The following SLC6A19 variants were observed in gnomAD, a reference collection of about 807,000 sequenced individuals.
SLC6A19 encodes the protein sodium-dependent neutral amino acid transporter B(0)AT1.
Under a neutral mutation model 68.3 loss-of-function variants are expected in SLC6A19, and 67 were observed. The observed-to-expected ratio is 0.98, with a 90% CI of 0.81 to 1.20. SLC6A19 has a LOEUF of 1.20. SLC6A19 is among the 50% of genes most tolerant of loss of function. SLC6A19 has a pLI of 0.00. For missense variants in SLC6A19, 813 were observed against 851.6 expected (o/e 0.95, Z 0.56); for synonymous variants, 392 against 374.9 (o/e 1.05, Z -0.53).
intron 1 of SLC6A19, 55 bp from the exon 2 acceptor site, chr5:1,208,691 C>A (rs1206016910): frequency 1.2e-6 from 2 of 1,611,144 alleles, no homozygotes; most frequent in Admixed American, 1.7e-5. Flanking sequence ...CCGAGGGAGG[C>A]CTTCCTGCTC....
Position 1,212,272 on chromosome 5 carries a change from C to T in SLC6A19, c.482-31C>T, listed in dbSNP as rs753900758. 11 of 1,611,818 alleles carry T rather than the reference C, an allele frequency of 6.8e-6. No homozygotes were observed. In the East Asian group the frequency reaches 2.0e-4, roughly 29 times the overall value. On this transcript the variant is annotated intron_variant, in intron 3 of 11. Coordinates refer to ENST00000304460, the MANE Select transcript of SLC6A19 (RefSeq NM_001003841.3). The surrounding 1 kb of genome is among the most constrained non-coding windows in gnomAD (Gnocchi z 5.1). ...ATTCTCCTCCCTTGGGGGACCCGTACCCTGAGGTGTGTGAATGGCCCTCTC... is the reference window on the plus strand; with the variant it reads ...ATTCTCCTCCCTTGGGGGACCCGTATCCTGAGGTGTGTGAATGGCCCTCTC...
At position 1,219,505 on chromosome 5, in the gene SLC6A19, G is replaced by A. The variant is rs1169803669; in HGVS notation, c.1379G>A (p.Gly460Asp). 1.2e-6 allele frequency: 2 copies of A among 1,611,078 alleles called. No individual in the cohort carries two copies. Among genetic ancestry groups the A allele is most frequent in the Admixed American group, 1.7e-5 (1 of 60,024 alleles). The stretch of plus-strand genomic sequence containing the variant: ...AGCAGCTCTGTCCCCCGGCCTGCAG[G>A]CCTCATCTGCCTGGGGACATTCCTC... The part of the protein sequence containing the change: ...PPKWPKEVLT[G>D]LICLGTFLIG... Residue 460 changes from glycine to aspartate, a missense_variant and splice_region_variant, in exon 10 of 12, where the codon GGC becomes GAC. Coordinates refer to ENST00000304460, the MANE Select transcript of SLC6A19 (RefSeq NM_001003841.3).
rs28446284 is a variant in SLC6A19, at chr5:1,202,954, C to T, written c.202+1102C>T. 2.2e-3 allele frequency among the ~76,000 whole-genome samples: 341 copies of T among 152,252 alleles called. 3 individuals carry two copies. The highest frequency in any genetic ancestry group is 7.8e-3 in the African/African-American group (324 of 41,548). On this transcript the variant is annotated intron_variant, in intron 1 of 11. Transcript: ENST00000304460. ...TGGAGGCAGGTCGGGGGACCTTGGCCACTCCGATACTATAGTCCCTGACAG... is the reference window on the plus strand; with the variant it reads ...TGGAGGCAGGTCGGGGGACCTTGGCTACTCCGATACTATAGTCCCTGACAG...
chr5:1,210,480 T>C lies in SLC6A19; in HGVS notation c.380T>C (p.Leu127Pro), dbSNP rs1745993750. Residue 127 changes from leucine to proline, a missense_variant, in exon 3 of 12, where the codon CTG (leucine) becomes CCG (proline). Leu to Pro is a moderately conservative substitution (Grantham distance 98, BLOSUM62 -3). Coordinates refer to ENST00000304460, the MANE Select transcript of SLC6A19 (RefSeq NM_001003841.3). ...ASMLTSFMVG[L>P]YYNTIISWIM... ...ATGCTCACGTCCTTCATGGTGGGAC[T>C]GTATTACAACACCATCATCTCCTGG... 1.2e-6 allele frequency: 2 copies of C among 1,613,458 alleles called. No individual in the cohort carries two copies. The highest frequency in any genetic ancestry group is 4.5e-5 in the East Asian group (2 of 44,880).
At chr5:1,202,256 G>A (rs1314570831) in intron 1 of SLC6A19, among the ~76,000 whole-genome samples, 2 of 152,218 alleles carry the variant, frequency 1.3e-5, no homozygotes, top group Non-Finnish European at 2.9e-5. Context: ...ACCTGCCAGT[G>A]CAGGGAGCAG....
In SLC6A19 at chr5:1,208,712, G is replaced by A. The variant is rs368338206; in HGVS notation, c.203-34G>A. 2.4e-5 allele frequency: 39 copies of A among 1,613,038 alleles called. 1 individual carries two copies. The highest frequency in any genetic ancestry group is 4.4e-5 in the South Asian group (4 of 91,088). ...GAGGCCTTCCTGCTCCCCCGGGAAC[G>A]GCTCTCAGGCATGGTGGACTCCTCC... is the stretch of plus-strand genomic sequence containing the variant. On this transcript the variant is annotated intron_variant, in intron 1 of 11. Transcript: ENST00000304460.
chr5:1,212,539 C>T lies in SLC6A19; in HGVS notation c.663+55C>T. ...TGCTCCAGAGGGCGGGTGCGGGCAG[C>T]CCTGCCTCCGGCCGGCTGCACTCTA... is the stretch of plus-strand genomic sequence containing the variant. On this transcript the variant is annotated intron_variant, in intron 4 of 11. Coordinates refer to ENST00000304460, the MANE Select transcript of SLC6A19 (RefSeq NM_001003841.3). This position sits in a 1 kb window ranked among gnomAD's most constrained non-coding sequence, Gnocchi z 5.1. 1.3e-6 allele frequency: 2 copies of T among 1,593,906 alleles called. No homozygotes were observed. Among genetic ancestry groups the T allele is most frequent in the Non-Finnish European group, 8.5e-7 (1 of 1,175,668 alleles).
At chr5:1,203,353 C>T (rs1745767370) in intron 1 of SLC6A19, among the ~76,000 whole-genome samples, 1 of 152,204 alleles carries the variant, frequency 6.6e-6, no homozygotes, top group South Asian at 2.1e-4. Context: ...GAGCGAGCAG[C>T]TTTCAAGCAG....
rs773058345 is a variant in SLC6A19, at chr5:1,209,797, T to C, written c.344-647T>C. ...TCCCCTATCTCCGTCTCTCCCCCTG[T>C]CTCTCTTCCCCATCTCACACTCACA... On this transcript the variant is annotated intron_variant, in intron 2 of 11. Transcript: ENST00000304460. The surrounding 1 kb of genome is among the most constrained non-coding windows in gnomAD (Gnocchi z 5.5). Among the ~76,000 whole-genome samples the C allele has an allele frequency of 6.6e-6, 1 of 152,042 alleles. No individual in the cohort carries two copies. The highest frequency in any genetic ancestry group is 1.5e-5 in the Non-Finnish European group (1 of 68,014).
In SLC6A19 at chr5:1,214,747, G is replaced by C. The variant is rs759283891; in HGVS notation, c.887+682G>C. 1.1e-4 allele frequency among the ~76,000 whole-genome samples: 16 copies of C among 151,868 alleles called. No homozygotes were observed. Among genetic ancestry groups the C allele is most frequent in the Non-Finnish European group, 1.9e-4 (13 of 67,912 alleles). The stretch of plus-strand genomic sequence containing the variant: ...GGTGAGGGAGGACTCCTAGGGGTCA[G>C]GGTGGCCCTCCAGGCTGTGAAGGTG... On this transcript the variant is annotated intron_variant, in intron 6 of 11. Transcript: ENST00000304460. This position sits in a 1 kb window ranked among gnomAD's most constrained non-coding sequence, Gnocchi z 7.4.
chr5:1,203,469 C>T (rs1433896381), intron 1 of SLC6A19, among the ~76,000 whole-genome samples: 1 of 152,178 alleles, frequency 6.6e-6, no homozygotes, highest in East Asian at 1.9e-4. Context: ...GAGGGCCGAG[C>T]AGGGCTCTGG....
At position 1,213,953 on chromosome 5, in the gene SLC6A19, G is replaced by T. The variant is rs564017784; in HGVS notation, c.775G>T (p.Val259Phe). 1 of 1,613,036 alleles carries T rather than the reference G, an allele frequency of 6.2e-7. No homozygotes were observed. Among genetic ancestry groups the T allele is most frequent in the Admixed American group, 1.7e-5 (1 of 60,036 alleles). ...NGIVFLFTPN[V>F]TELAQPDTWL... is the part of the protein sequence containing the mutation. ...GGCTGAGGGTCTCCATGTGGCGCAG[G>T]TCACGGAGCTGGCCCAGCCGGACAC... Residue 259 changes from valine (V) to phenylalanine (F), a missense_variant and splice_region_variant, in exon 6 of 12, where the codon GTC (valine) becomes TTC (phenylalanine). Val to Phe is a conservative substitution (Grantham distance 50, BLOSUM62 -1). Coordinates refer to ENST00000304460, the MANE Select transcript of SLC6A19 (RefSeq NM_001003841.3).
chr5:1,219,527 C>G lies in SLC6A19; in HGVS notation c.1401C>G (p.Phe467Leu), dbSNP rs1205680869. The G allele has an allele frequency of 6.2e-7, 1 of 1,612,256 alleles. No individual in the cohort carries two copies. The highest frequency in any genetic ancestry group is 2.2e-5 in the East Asian group (1 of 44,880). The change falls in exon 10 of 12, where the codon TTC (phenylalanine) becomes TTG (leucine). Residue 467 changes from phenylalanine to leucine, a missense_variant. Transcript: ENST00000304460. Reference protein sequence around the residue: ...VLTGLICLGTFLIGFIFTLNS... With the variant: ...VLTGLICLGTLLIGFIFTLNS... ...CAGGCCTCATCTGCCTGGGGACATT[C>G]CTCATTGGCTTCATCTTCACGCTGA...
At chr5:1,201,987 T>C in intron 1 of SLC6A19, 135 bp downstream of exon 1, 1 of 1,217,002 alleles carries the variant, frequency 8.2e-7, no homozygotes, top group Non-Finnish European at 1.1e-6. Flanking sequence ...CCGCAGGGTG[T>C]GGGGGGAGCT....
rs1176354248 is a variant in SLC6A19, at chr5:1,212,562, CTA to C, written c.663+79_663+80del. ...AGCCCTGCCTCCGGCCGGCTGCACT[CTA>C]AAACCCAGGTCTGGGGGTCCCGGGC... On this transcript the variant is annotated intron_variant, in intron 4 of 11. Coordinates refer to ENST00000304460, the MANE Select transcript of SLC6A19 (RefSeq NM_001003841.3). The surrounding 1 kb of genome is among the most constrained non-coding windows in gnomAD (Gnocchi z 5.1). 3 of 1,572,174 alleles carry C rather than the reference CTA, an allele frequency of 1.9e-6. No individual in the cohort carries two copies. The highest frequency in any genetic ancestry group is 2.7e-5 in the African/African-American group (2 of 74,262).
chr5:1,217,628 C>A (rs924177233), intron 8 of SLC6A19, among the ~76,000 whole-genome samples: 1 of 152,210 alleles, frequency 6.6e-6, no homozygotes, highest in Middle Eastern at 3.2e-3. Context: ...GAGGGCTCCG[C>A]GGCCTCTCCC....
intron 1 of SLC6A19, among the ~76,000 whole-genome samples, chr5:1,202,324 C>G (rs1006515085): frequency 3.9e-5 from 6 of 152,160 alleles, no homozygotes; most frequent in Non-Finnish European, 8.8e-5. Flanking sequence ...GTAGCCGGAG[C>G]CTGTGGACTC....
rs1267729425 is a variant in SLC6A19 at position 1,209,528 on chromosome 5, A to C, written c.343+642A>C. 1.3e-5 allele frequency among the ~76,000 whole-genome samples: 2 copies of C among 151,814 alleles called. No individual in the cohort carries two copies. Among genetic ancestry groups the C allele is most frequent in the Non-Finnish European group, 2.9e-5 (2 of 67,912 alleles). On this transcript the variant is annotated intron_variant, in intron 2 of 11. Coordinates refer to ENST00000304460, the MANE Select transcript of SLC6A19 (RefSeq NM_001003841.3). This position sits in a 1 kb window ranked among gnomAD's most constrained non-coding sequence, Gnocchi z 5.5. Reference sequence around the variant, plus strand: ...CCCTGAGTCTCCAAGGCCTCCCTCCAGGCCCAGGGCAGAGCCCACACCCTC... The same window carrying C: ...CCCTGAGTCTCCAAGGCCTCCCTCCCGGCCCAGGGCAGAGCCCACACCCTC...
chr5:1,206,975 G>T (rs374453512), intron 1 of SLC6A19, among the ~76,000 whole-genome samples: 2 of 152,160 alleles, frequency 1.3e-5, no homozygotes, highest in East Asian at 3.9e-4. Flanking sequence ...TGTCGGCTTC[G>T]CTGTGCTCAC....
Sources: allele counts gnomAD v4.1 joint callset (sites outside exome capture counted in the v4.1 genomes callset), GRCh38; gene constraint gnomAD v4.1.1; non-coding constraint Gnocchi (gnomAD v3.1); transcripts MANE v1.5; gene names NCBI Gene and HGNC (gene_info 2026-07-23, HGNC 2026-07-21).